Variants in MTARC2 observed in about 807,000 individuals in gnomAD.
MTARC2 encodes MOCO sulphurase C-terminal domain containing 2.
In MTARC2, 27 loss-of-function variants were observed where a neutral mutation model predicts 35.6. The observed-to-expected ratio is 0.76, with a 90% CI of 0.56 to 1.04. MTARC2 has a LOEUF of 1.04. Among genes scored for constraint, MTARC2 ranks in the 50% least tolerant of loss-of-function variants. The pLI is 0.00. For synonymous variants in MTARC2, 158 were observed against 167.1 expected (o/e 0.95, Z 0.42); for missense variants, 412 against 432.5 (o/e 0.95, Z 0.42).
chr1:220,769,017 C>G (rs1293824281), intron 4 of MTARC2, among the ~76,000 whole-genome samples: 1 of 152,214 alleles, frequency 6.6e-6, no homozygotes, highest in Admixed American at 6.5e-5. Context: ...GGAGGATAGG[C>G]ATCAGGAGTG....
intron 4 of MTARC2, among the ~76,000 whole-genome samples, chr1:220,773,864 A>C (rs1271501642): frequency 3.3e-5 from 5 of 152,178 alleles, no homozygotes; most frequent in African/African-American, 1.2e-4. Context: ...TAATGTTTAA[A>C]TCTTGGTGAG....
intron 1 of MTARC2, among the ~76,000 whole-genome samples, chr1:220,753,172 T>G (rs1054179870): frequency 6.6e-6 from 1 of 150,538 alleles, no homozygotes; most frequent in Non-Finnish European, 1.5e-5. Context: ...AGCTTGCAGT[T>G]AGCCGAGATC....
chr1:220,773,990 T>C (rs1008296511), intron 4 of MTARC2, among the ~76,000 whole-genome samples: 8 of 149,284 alleles, frequency 5.4e-5, no homozygotes, highest in East Asian at 2.0e-4. Context: ...CACACACACA[T>C]ATAAAATGTG....
chr1:220,770,659 A>T, intron 4 of MTARC2: 1 of 684,684 alleles, frequency 1.5e-6, no homozygotes, highest in Non-Finnish European at 1.8e-6. Flanking sequence ...GCTGAAAAGC[A>T]GTCCAGCACA....
chr1:220,759,669 A>G (rs899323119), intron 2 of MTARC2, among the ~76,000 whole-genome samples: 1 of 152,268 alleles, frequency 6.6e-6, no homozygotes, highest in South Asian at 2.1e-4. Context: ...AGGAGCATGT[A>G]CTTAGGGAAC....
At chr1:220,767,374 C>T (rs1671607765) in intron 4 of MTARC2, among the ~76,000 whole-genome samples, 1 of 152,120 alleles carries the variant, frequency 6.6e-6, no homozygotes, top group African/African-American at 2.4e-5. Context: ...AAATTCAGGC[C>T]ATCATTTATT....
chr1:220,754,094 A>T (rs185138636), intron 1 of MTARC2, among the ~76,000 whole-genome samples: 7 of 152,206 alleles, frequency 4.6e-5, no homozygotes, highest in African/African-American at 1.7e-4. Context: ...ACAAAATGAA[A>T]CTAAACTGTG....
chr1:220,780,974 C>CT (rs1558077433), intron 6 of MTARC2, among the ~76,000 whole-genome samples: 1 of 131,790 alleles, frequency 7.6e-6, no homozygotes, highest in African/African-American at 3.3e-5. Context: ...GTTGTCAGAG[C>CT]TTTTTTACCA....
intron 4 of MTARC2, among the ~76,000 whole-genome samples, chr1:220,766,048 A>G (rs924282700): frequency 1.3e-5 from 2 of 152,170 alleles, no homozygotes; most frequent in Admixed American, 1.3e-4. Context: ...CACGGGGGTC[A>G]GAGATGATAC....
intron 2 of MTARC2, among the ~76,000 whole-genome samples, chr1:220,758,028 G>A (rs996611737): frequency 4.0e-5 from 6 of 151,880 alleles, no homozygotes; most frequent in Admixed American, 1.3e-4. Context: ...TCTGTCACCC[G>A]GGCTGGAGTG....
intron 4 of MTARC2, among the ~76,000 whole-genome samples, chr1:220,775,350 T>G (rs61830261): frequency 0.12 from 18,653 of 152,226 alleles, 1,526 homozygotes; most frequent in Non-Finnish European, 0.18. Flanking sequence ...TTCTTTCATC[T>G]TGAAAACTCC....
Position 220,748,521 on chromosome 1 carries a change from C to G in MTARC2, c.-11C>G. The G allele has an allele frequency of 7.2e-7, 1 of 1,392,650 alleles. No individual in the cohort carries two copies. Among genetic ancestry groups the G allele is most frequent in the Non-Finnish European group, 9.2e-7 (1 of 1,083,098 alleles). The allele number at this position is 1,392,650 out of a possible 1,614,324, so 86.3% of individuals were successfully genotyped here. A position where few individuals can be genotyped will look rare whatever the true frequency, so the allele number is the denominator to read the frequency against. On this transcript the variant is annotated 5_prime_UTR_variant, in exon 1 of 8. Transcript: ENST00000366913. Reference sequence around the variant, plus strand: ...GTCTGTGCGCCGGTCCGCGCCCGCCCTCGCTCTGCCATGGGCGCTTCCAGC... The same window carrying G: ...GTCTGTGCGCCGGTCCGCGCCCGCCGTCGCTCTGCCATGGGCGCTTCCAGC...
chr1:220,751,680 G>A (rs1018877068), intron 1 of MTARC2, among the ~76,000 whole-genome samples: 5 of 152,122 alleles, frequency 3.3e-5, no homozygotes, highest in Admixed American at 6.5e-5. Context: ...CCACTTACCC[G>A]TTGCTGTTGG....
intron 4 of MTARC2, among the ~76,000 whole-genome samples, chr1:220,772,950 C>T (rs1384309457): frequency 6.6e-6 from 1 of 152,178 alleles, no homozygotes; most frequent in Non-Finnish European, 1.5e-5. Flanking sequence ...GTTCCTGGCA[C>T]AAGCTCCTAA....
At chr1:220,759,161 T>C (rs1671363289) in intron 2 of MTARC2, among the ~76,000 whole-genome samples, 1 of 152,230 alleles carries the variant, frequency 6.6e-6, no homozygotes, top group Non-Finnish European at 1.5e-5. Context: ...TATTATTTAT[T>C]CTTTAATTAT....
chr1:220,775,266 A>T (rs550328299), intron 4 of MTARC2, among the ~76,000 whole-genome samples: 7 of 151,512 alleles, frequency 4.6e-5, no homozygotes, highest in Non-Finnish European at 8.8e-5. Flanking sequence ...AATCCTCAGG[A>T]TTATTTCCTC....
At chr1:220,750,223 A>C (rs1272783516) in intron 1 of MTARC2, among the ~76,000 whole-genome samples, 1 of 152,232 alleles carries the variant, frequency 6.6e-6, no homozygotes, top group Non-Finnish European at 1.5e-5. Context: ...AGGATAAGAA[A>C]AGCCTTCCTA....
intron 5 of MTARC2, 28 bp downstream of exon 5, chr1:220,780,107 T>C (rs775124997): frequency 6.2e-7 from 1 of 1,602,062 alleles, no homozygotes; most frequent in Non-Finnish European, 8.5e-7. Context: ...ACCCCAGGAC[T>C]GTGGTGTGGC....
chr1:220,748,824 G>C lies in MTARC2; in HGVS notation c.272+21G>C, dbSNP rs1030269251. 3.9e-6 allele frequency: 6 copies of C among 1,556,578 alleles called. 1 individual carries two copies. The highest frequency in any genetic ancestry group is 2.4e-5 in the South Asian group (2 of 84,414). ...GACAGGTACAGCACAGCGCGGGCGC[G>C]GGGCAGCGCGGAGCCTGCCTGGGAT... On this transcript the variant is annotated intron_variant, in intron 1 of 7. Transcript: ENST00000366913.
Sources: gnomAD v4.1 joint callset for allele counts (sites outside exome capture counted in the v4.1 genomes callset) on GRCh38, gnomAD v4.1.1 for gene constraint, MANE v1.5 for transcripts, NCBI Gene and HGNC (gene_info 2026-07-23, HGNC 2026-07-21) for gene names.